The following KPNA4 variants were observed in gnomAD, a reference collection of about 807,000 sequenced individuals.
The protein encoded by KPNA4 is karyopherin subunit alpha 4, also known as importin subunit alpha-3.
A neutral mutation model predicts 71.3 loss-of-function variants in KPNA4; 13 were observed. The ratio of observed to expected loss-of-function variants is 0.18; its 90% CI spans 0.12 to 0.29. The LOEUF is 0.29. Ranked by LOEUF, KPNA4 falls within the 10% of genes least tolerant of loss-of-function variation. KPNA4 has a pLI of 1.00. For synonymous variants in KPNA4, 189 were observed against 195.2 expected, an observed-to-expected ratio of 0.97 and a Z score of 0.26; for missense variants, 334 against 603.2, an observed-to-expected ratio of 0.55 and a Z score of 4.67.
chr3:160,533,167 G>A (rs567803355), intron 5 of KPNA4, among the ~76,000 whole-genome samples: 1 of 152,198 alleles, frequency 6.6e-6, no homozygotes, highest in East Asian at 1.9e-4. Context: ...GGGATTACAG[G>A]CATGTGACAC....
At chr3:160,515,368 G>A in intron 12 of KPNA4, 84 bp downstream of exon 12, 1 of 1,224,748 alleles carries the variant, frequency 8.2e-7, no homozygotes, top group Non-Finnish European at 1.1e-6. Flanking sequence ...CAATATTACA[G>A]ACATTTCTAA....
chr3:160,554,007 C>T (rs76550321), intron 1 of KPNA4, among the ~76,000 whole-genome samples: 3,117 of 152,270 alleles, frequency 0.02, 51 homozygotes, highest in African/African-American at 0.032. Context: ...ACTCAGCCTG[C>T]ATTATGTAGA....
intron 11 of KPNA4, among the ~76,000 whole-genome samples, chr3:160,519,912 G>T (rs1166339277): frequency 6.6e-6 from 1 of 151,468 alleles, no homozygotes; most frequent in African/African-American, 2.4e-5. Flanking sequence ...GAGGTACAGA[G>T]AAAAAAGCTA....
chr3:160,500,984 T>A lies in KPNA4; in HGVS notation c.*1120A>T, dbSNP rs376644547. On this transcript the variant is annotated 3_prime_UTR_variant, in exon 17 of 17. Coordinates refer to ENST00000334256, the MANE Select transcript of KPNA4 (RefSeq NM_002268.5). Reference sequence around the variant, plus strand: ...TCTAAAAATGAACTATGCTGTAGATTTACCTCATGCAAAGATCTTTATGTT... The same window carrying A: ...TCTAAAAATGAACTATGCTGTAGATATACCTCATGCAAAGATCTTTATGTT... 1 of 152,590 alleles carries A rather than the reference T, an allele frequency of 6.6e-6. No homozygotes were observed. Among genetic ancestry groups the A allele is most frequent in the Admixed American group, 6.5e-5 (1 of 15,276 alleles). The allele number at this position is 152,590 out of a possible 1,614,324, so 9.5% of individuals were successfully genotyped here.
intron 10 of KPNA4, 87 bp downstream of exon 10, chr3:160,525,713 G>T: frequency 1.4e-6 from 1 of 719,856 alleles, no homozygotes; most frequent in Non-Finnish European, 2.1e-6. Context: ...CAATGTGTTA[G>T]TATAATATTT....
chr3:160,557,666 C>T (rs923901643), intron 1 of KPNA4, among the ~76,000 whole-genome samples: 1 of 151,984 alleles, frequency 6.6e-6, no homozygotes, highest in Non-Finnish European at 1.5e-5. Context: ...GAAAATAAGT[C>T]AGCATTTAAA....
intron 11 of KPNA4, among the ~76,000 whole-genome samples, chr3:160,521,017 T>C (rs1721338380): frequency 6.6e-6 from 1 of 152,152 alleles, no homozygotes; most frequent in Non-Finnish European, 1.5e-5. Flanking sequence ...TGTGAAAGAA[T>C]TTAAACAATA....
At chr3:160,539,104 A>C (rs528698149) in intron 1 of KPNA4, among the ~76,000 whole-genome samples, 20 of 152,246 alleles carry the variant, frequency 1.3e-4, no homozygotes, top group African/African-American at 4.8e-4. Flanking sequence ...TGCAGTGCTC[A>C]GTTCCTTACC....
intron 7 of KPNA4, among the ~76,000 whole-genome samples, chr3:160,529,962 C>T (rs1267637596): frequency 6.7e-6 from 1 of 150,100 alleles, no homozygotes; most frequent in Non-Finnish European, 1.5e-5. Context: ...AGTGAAACCC[C>T]GTCTCTACTA....
intron 11 of KPNA4, among the ~76,000 whole-genome samples, chr3:160,515,896 T>G (rs1577049058): frequency 6.6e-6 from 1 of 152,152 alleles, no homozygotes; most frequent in East Asian, 1.9e-4. Context: ...ATTATAGGCA[T>G]GAGCCATTGT....
At chr3:160,562,091 T>C (rs9862595) in intron 1 of KPNA4, among the ~76,000 whole-genome samples, 1 of 151,866 alleles carries the variant, frequency 6.6e-6, no homozygotes, top group Non-Finnish European at 1.5e-5. Context: ...TGTTAGATCA[T>C]AATATGCTAC....
At chr3:160,559,122 T>C (rs1466034232) in intron 1 of KPNA4, among the ~76,000 whole-genome samples, 1 of 152,180 alleles carries the variant, frequency 6.6e-6, no homozygotes, top group Non-Finnish European at 1.5e-5. Context: ...AAAAAACGAC[T>C]GACAGACAAA....
intron 11 of KPNA4, among the ~76,000 whole-genome samples, chr3:160,516,522 G>T (rs1490463444): frequency 6.6e-6 from 1 of 152,008 alleles, no homozygotes; most frequent in Admixed American, 6.5e-5. Flanking sequence ...GCTCACGCCT[G>T]TAATTCCAGC....
intron 1 of KPNA4, among the ~76,000 whole-genome samples, chr3:160,556,863 A>G (rs938013522): frequency 6.6e-6 from 1 of 152,248 alleles, no homozygotes; most frequent in African/African-American, 2.4e-5. Context: ...AATGAACCCA[A>G]TTCTATAGAT....
intron 1 of KPNA4, among the ~76,000 whole-genome samples, chr3:160,547,482 T>C (rs983666367): frequency 1.8e-4 from 28 of 152,186 alleles, no homozygotes; most frequent in Admixed American, 3.9e-4. Context: ...TCCCATATAT[T>C]CCCTGCCCCC....
chr3:160,519,768 G>A (rs1041602308), intron 11 of KPNA4, among the ~76,000 whole-genome samples: 33 of 139,540 alleles, frequency 2.4e-4, no homozygotes, highest in Non-Finnish European at 6.0e-5. Flanking sequence ...GCAGTCCGCA[G>A]TCCGGCCTGG....
chr3:160,499,001 A>G lies in KPNA4; in HGVS notation c.*3103T>C, dbSNP rs184030889. 3 of 152,334 alleles carry G rather than the reference A, an allele frequency of 2.0e-5. No individual in the cohort carries two copies. Among genetic ancestry groups the G allele is most frequent in the African/African-American group, 7.2e-5 (3 of 41,582 alleles). 9.4% of individuals were successfully genotyped at this position (152,334 alleles called of 1,614,324 possible). A position where few individuals can be genotyped will look rare whatever the true frequency, so the allele number is the denominator to read the frequency against. On this transcript the variant is annotated 3_prime_UTR_variant, in exon 17 of 17. Coordinates refer to ENST00000334256, the MANE Select transcript of KPNA4 (RefSeq NM_002268.5). ...GGTGCCCCCATAAATTACTGTTACA[A>G]TAAACCCAGTCATTTTACAATGCAG... is the stretch of plus-strand genomic sequence containing the variant.
intron 8 of KPNA4, among the ~76,000 whole-genome samples, chr3:160,527,358 A>C (rs957356817): frequency 6.6e-6 from 1 of 152,192 alleles, no homozygotes; most frequent in Non-Finnish European, 1.5e-5. Flanking sequence ...TATTTATCAG[A>C]GAGAACCTGA....
intron 11 of KPNA4, among the ~76,000 whole-genome samples, chr3:160,519,044 G>A (rs1721291263): frequency 1.3e-5 from 2 of 152,012 alleles, no homozygotes; most frequent in South Asian, 4.1e-4. Flanking sequence ...AGATCATTTG[G>A]CTATTTCTAG....
Sources: allele counts gnomAD v4.1 joint callset (sites outside exome capture counted in the v4.1 genomes callset), GRCh38; gene constraint gnomAD v4.1.1; transcripts MANE v1.5; gene names NCBI Gene and HGNC (gene_info 2026-07-23, HGNC 2026-07-21).